TLE4: variants seen among roughly 807,000 people sequenced by gnomAD.
TLE4 encodes the protein TLE family member 4, transcriptional corepressor.
Under a neutral mutation model 92.8 loss-of-function variants are expected in TLE4, and 8 were observed. The observed-to-expected ratio is 0.09, with a 90% confidence interval of 0.05 to 0.16. The LOEUF is 0.16. Ranked by LOEUF, TLE4 falls within the 10% of genes least tolerant of loss-of-function variation. The pLI is 1.00. For synonymous variants in TLE4, 371 were observed against 374.1 expected (o/e 0.99, Z 0.10); for missense variants, 675 against 997.6 (o/e 0.68, Z 4.36).
chr9:79,679,132 TAC>T (rs2063890237), intron 8 of TLE4, among the ~76,000 whole-genome samples: 1 of 152,090 alleles, frequency 6.6e-6, no homozygotes, highest in Non-Finnish European at 1.5e-5. Flanking sequence ...TTTGGGTATA[TAC>T]CCAGTAATGG....
intron 6 of TLE4, chr9:79,649,877 G>A: frequency 7.4e-7 from 1 of 1,357,622 alleles, no homozygotes; most frequent in Admixed American, 2.0e-5. Flanking sequence ...CTTTGGCTGA[G>A]GGCTTTTTGT....
chr9:79,613,929 CT>C (rs2048933069), intron 5 of TLE4, among the ~76,000 whole-genome samples: 1 of 152,050 alleles, frequency 6.6e-6, no homozygotes, highest in Non-Finnish European at 1.5e-5. Context: ...TCTTTTGGGT[CT>C]TGATAAACAA....
intron 4 of TLE4, among the ~76,000 whole-genome samples, chr9:79,592,736 A>G (rs1426355402): frequency 6.6e-6 from 1 of 152,202 alleles, no homozygotes; most frequent in Admixed American, 6.5e-5. Flanking sequence ...TTCTTCTATC[A>G]TTGAAACTCT....
intron 8 of TLE4, among the ~76,000 whole-genome samples, chr9:79,668,268 G>A (rs1219846898): frequency 6.6e-6 from 1 of 152,190 alleles, no homozygotes; most frequent in Non-Finnish European, 1.5e-5. Flanking sequence ...GCAGTGGGTT[G>A]TTTGCTTTGA....
At chr9:79,684,205 C>T (rs574445129) in intron 8 of TLE4, among the ~76,000 whole-genome samples, 1 of 152,296 alleles carries the variant, frequency 6.6e-6, no homozygotes, top group African/African-American at 2.4e-5. Flanking sequence ...TCTGATTGGT[C>T]TCTGTGTTGG....
At chr9:79,644,149 A>G (rs577667419) in intron 6 of TLE4, among the ~76,000 whole-genome samples, 3 of 152,218 alleles carry the variant, frequency 2.0e-5, no homozygotes, top group East Asian at 1.9e-4. Flanking sequence ...TCCCCATGCT[A>G]TTCTTGTGAT....
At chr9:79,672,464 G>A (rs986441242) in intron 8 of TLE4, among the ~76,000 whole-genome samples, 1 of 152,124 alleles carries the variant, frequency 6.6e-6, no homozygotes, top group South Asian at 2.1e-4. Context: ...TTTTCTACAT[G>A]TTTTCTACCT....
At chr9:79,577,772 T>C (rs2038343819) in intron 4 of TLE4, among the ~76,000 whole-genome samples, 2 of 152,194 alleles carry the variant, frequency 1.3e-5, no homozygotes, top group African/African-American at 4.8e-5. Context: ...TGTATCTTGT[T>C]TACCCTAACC....
chr9:79,722,569 G>A lies in TLE4; in HGVS notation c.2105G>A (p.Ser702Asn). Residue 702 changes from serine to asparagine, a missense_variant, in exon 18 of 20, where the codon AGC (serine) becomes AAC (asparagine). Around this residue, in one of 5 missense-constraint regions of TLE4, gnomAD observed 170 missense variants for 359.6 expected, o/e 0.47. Coordinates refer to ENST00000376552, the MANE Select transcript of TLE4 (RefSeq NM_007005.6). Reference sequence around the variant, plus strand: ...AAATACCAACTACATCTTCATGAGAGCTGTGTGCTGTCGCTCAAGTTTGCC... The same window carrying A: ...AAATACCAACTACATCTTCATGAGAACTGTGTGCTGTCGCTCAAGTTTGCC... ...PDKYQLHLHESCVLSLKFAHC... is the reference protein window; with the variant it reads ...PDKYQLHLHENCVLSLKFAHC... The A allele has an allele frequency of 6.2e-7, 1 of 1,614,188 alleles. No individual in the cohort carries two copies. The highest frequency in any genetic ancestry group is 8.5e-7 in the Non-Finnish European group (1 of 1,180,036).
intron 8 of TLE4, among the ~76,000 whole-genome samples, chr9:79,655,898 T>C (rs2059711919): frequency 6.6e-6 from 1 of 152,188 alleles, no homozygotes; most frequent in Admixed American, 6.5e-5. Flanking sequence ...GTGTACACTT[T>C]TGTGTCAATT....
chr9:79,621,910 A>G (rs1587399521), intron 5 of TLE4, among the ~76,000 whole-genome samples: 1 of 152,282 alleles, frequency 6.6e-6, no homozygotes, highest in East Asian at 1.9e-4. Flanking sequence ...GGGCCTAAGT[A>G]TCTTTCACCC....
At chr9:79,637,975 T>C (rs1421541946) in intron 6 of TLE4, among the ~76,000 whole-genome samples, 1 of 152,192 alleles carries the variant, frequency 6.6e-6, no homozygotes, top group Non-Finnish European at 1.5e-5. Flanking sequence ...AAAATCCTGA[T>C]ATGAAATAGC....
chr9:79,573,841 A>G lies in TLE4; in HGVS notation c.143+55A>G, dbSNP rs573390005. ...TGTTTGCTTAGCTCTTGTCTCCCCGACAAATACACACAAACACTTACCCTC... is the reference window on the plus strand; with the variant it reads ...TGTTTGCTTAGCTCTTGTCTCCCCGGCAAATACACACAAACACTTACCCTC... On this transcript the variant is annotated intron_variant, in intron 2 of 19. Coordinates refer to ENST00000376552, the MANE Select transcript of TLE4 (RefSeq NM_007005.6). The G allele has an allele frequency of 3.1e-6, 4 of 1,287,546 alleles. No homozygotes were observed. In the South Asian group the frequency reaches 4.6e-5, roughly 15 times the overall value. The allele number at this position is 1,287,546 out of a possible 1,614,324, so 79.8% of individuals were successfully genotyped here.
intron 8 of TLE4, among the ~76,000 whole-genome samples, chr9:79,683,337 C>G (rs1295315212): frequency 6.6e-6 from 1 of 152,104 alleles, no homozygotes; most frequent in African/African-American, 2.4e-5. Flanking sequence ...GTTTATGTCC[C>G]CTTTTTGAAA....
intron 15 of TLE4, 36 bp from the exon 16 acceptor site, chr9:79,720,010 T>C: frequency 6.4e-7 from 1 of 1,574,180 alleles, no homozygotes; most frequent in Non-Finnish European, 8.7e-7. Flanking sequence ...TTTCCTTTCC[T>C]CATGAGTAAT....
At chr9:79,692,809 A>G (rs1166645741) in intron 8 of TLE4, among the ~76,000 whole-genome samples, 4 of 152,156 alleles carry the variant, frequency 2.6e-5, no homozygotes, top group Non-Finnish European at 5.9e-5. Flanking sequence ...TCCTGACCCA[A>G]TCACTTCTTA....
At chr9:79,649,841 A>G in intron 6 of TLE4, 1 of 1,365,946 alleles carries the variant, frequency 7.3e-7, no homozygotes, top group Non-Finnish European at 9.8e-7. Context: ...TAAAAGTGAC[A>G]CACCTGGATC....
intron 5 of TLE4, among the ~76,000 whole-genome samples, chr9:79,616,856 T>A (rs141549323): frequency 1.3e-5 from 2 of 152,166 alleles, no homozygotes; most frequent in East Asian, 3.9e-4. Flanking sequence ...TCTGCTAATT[T>A]AGAATTGGGC....
intron 14 of TLE4, among the ~76,000 whole-genome samples, chr9:79,711,030 G>A (rs1017211194): frequency 7.2e-5 from 11 of 152,148 alleles, no homozygotes; most frequent in South Asian, 4.1e-4. Context: ...TGTTAATTGC[G>A]TGCCCTCTTC....
Sources: gnomAD v4.1 joint callset for allele counts (sites outside exome capture counted in the v4.1 genomes callset) on GRCh38, gnomAD v4.1.1 for gene constraint, gnomAD v4.1.1 regional missense constraint, MANE v1.5 for transcripts, NCBI Gene and HGNC (gene_info 2026-07-23, HGNC 2026-07-21) for gene names.